Variants in CALN1 observed in about 807,000 individuals in gnomAD.
The protein encoded by CALN1 is calcium-binding protein 8.
Under a neutral mutation model 30.6 loss-of-function variants are expected in CALN1, and 17 were observed. The observed-to-expected ratio is 0.56, with a 90% CI of 0.38 to 0.83. The LOEUF (loss-of-function observed/expected upper bound fraction) is 0.83, where lower values mean the gene tolerates loss of function less well. CALN1 is among the 40% of genes least tolerant of loss of function. The probability of loss-of-function intolerance (pLI) is 0.00; values close to 1 mark genes in which losing one functional copy is unlikely to be tolerated. For synonymous variants in CALN1, 156 were observed against 131.4 expected (o/e 1.19, Z -1.28); for missense variants, 291 against 354.9 (o/e 0.82, Z 1.45).
chr7:72,174,119 A>G (rs1273970744), intron 3 of CALN1, among the ~76,000 whole-genome samples: 2 of 152,178 alleles, frequency 1.3e-5, no homozygotes, highest in Non-Finnish European at 2.9e-5. Flanking sequence ...AGAAATACAA[A>G]TAGCCAATAA....
At chr7:72,060,802 T>G (rs1218552259) in intron 4 of CALN1, among the ~76,000 whole-genome samples, 3 of 152,150 alleles carry the variant, frequency 2.0e-5, no homozygotes, top group African/African-American at 7.2e-5. Flanking sequence ...CCAGCTCTAC[T>G]TCCCTTCTGC....
chr7:72,407,343 G>A lies in CALN1; in HGVS notation c.-73-3901C>T, dbSNP rs138535953. ...GCTACATATGCTAGCCACCTGATAC[G>A]GTTTGGATTTGTGTCCCCACCCAAA... is the stretch of plus-strand genomic sequence containing the variant. On this transcript the variant is annotated intron_variant, in intron 1 of 6. Transcript: ENST00000395275. Among the ~76,000 whole-genome samples the A allele has an allele frequency of 5.6e-3, 850 of 152,298 alleles. 19 individuals are homozygous for A. The highest frequency in any genetic ancestry group is 0.044 in the Admixed American group (678 of 15,292).
chr7:72,097,402 C>T (rs1187921392), intron 4 of CALN1, among the ~76,000 whole-genome samples: 1 of 152,158 alleles, frequency 6.6e-6, no homozygotes, highest in Non-Finnish European at 1.5e-5. Flanking sequence ...ATGCAGGAAG[C>T]TCTGAGATCA....
intron 1 of CALN1, among the ~76,000 whole-genome samples, chr7:72,435,095 T>C (rs920083242): frequency 1.3e-5 from 2 of 151,858 alleles, no homozygotes; most frequent in African/African-American, 4.8e-5. Context: ...ATTAGCTGGA[T>C]ATGGTGGCAT....
At chr7:71,802,245 A>G (rs907149113) in intron 6 of CALN1, among the ~76,000 whole-genome samples, 3 of 152,196 alleles carry the variant, frequency 2.0e-5, no homozygotes, top group Non-Finnish European at 4.4e-5. Context: ...AGACCACTGA[A>G]TTCCATAGAT....
At chr7:71,797,685 G>A (rs1461116736) in intron 6 of CALN1, among the ~76,000 whole-genome samples, 1 of 152,076 alleles carries the variant, frequency 6.6e-6, no homozygotes, top group African/African-American at 2.4e-5. Context: ...TTGCTTTGAG[G>A]GTCCTACAAT....
At chr7:72,466,438 A>C in the CALN1 span, among the ~76,000 whole-genome samples, 1 of 152,086 alleles carries the variant, frequency 6.6e-6, no homozygotes, top group Admixed American at 6.6e-5. Flanking sequence ...TTTACAACAT[A>C]GAGTAGAAAA....
At chr7:72,277,008 T>C (rs975362259) in intron 3 of CALN1, among the ~76,000 whole-genome samples, 2 of 152,164 alleles carry the variant, frequency 1.3e-5, no homozygotes, top group African/African-American at 4.8e-5. Context: ...CACCTTGATC[T>C]TAGACTTCCA....
chr7:72,377,676 T>A (rs1189530512), intron 2 of CALN1, among the ~76,000 whole-genome samples: 1 of 152,192 alleles, frequency 6.6e-6, no homozygotes, highest in African/African-American at 2.4e-5. Context: ...ACAACTTTGT[T>A]CAGTTAGCTT....
chr7:72,407,120 G>A (rs1417334989), intron 1 of CALN1, among the ~76,000 whole-genome samples: 1 of 152,138 alleles, frequency 6.6e-6, no homozygotes, highest in African/African-American at 2.4e-5. Context: ...TGCAGAGAAT[G>A]GTGAAGTAAT....
At chr7:72,213,807 C>T (rs923930322) in intron 3 of CALN1, among the ~76,000 whole-genome samples, 1 of 152,176 alleles carries the variant, frequency 6.6e-6, no homozygotes, top group Non-Finnish European at 1.5e-5. Flanking sequence ...GATGCACCCA[C>T]CACGCTCAGG....
At chr7:72,033,597 T>C (rs1439354510) in intron 4 of CALN1, among the ~76,000 whole-genome samples, 2 of 151,946 alleles carry the variant, frequency 1.3e-5, no homozygotes. Flanking sequence ...TCTAATGAAT[T>C]GCAAAGGGAG....
intron 3 of CALN1, among the ~76,000 whole-genome samples, chr7:72,264,652 G>A (rs1796493543): frequency 6.6e-6 from 1 of 152,112 alleles, no homozygotes; most frequent in African/African-American, 2.4e-5. Flanking sequence ...AGGTGTGCAA[G>A]CACCACACCC....
chr7:72,449,963 T>C (rs1321775487), upstream of CALN1, among the ~76,000 whole-genome samples: 2 of 151,314 alleles, frequency 1.3e-5, no homozygotes, highest in African/African-American at 2.4e-5. Context: ...CCCAACGCTT[T>C]GGGTGGCTGA....
intron 5 of CALN1, among the ~76,000 whole-genome samples, chr7:71,902,225 A>AAACC (rs374649403): frequency 0.022 from 3,223 of 144,950 alleles, 45 homozygotes; most frequent in South Asian, 0.034. Flanking sequence ...CTCCGTCTCA[A>AAACC]AACCAACCAA....
intron 3 of CALN1, among the ~76,000 whole-genome samples, chr7:72,186,199 C>G (rs1790173234): frequency 6.6e-6 from 1 of 152,128 alleles, no homozygotes; most frequent in African/African-American, 2.4e-5. Flanking sequence ...TGCTGCCCCA[C>G]CCATCACTTC....
intron 4 of CALN1, 49 bp from the exon 5 acceptor site, chr7:72,023,818 C>A: frequency 7.3e-7 from 1 of 1,362,926 alleles, no homozygotes; most frequent in Non-Finnish European, 1.0e-6. Context: ...TGAACTTGAC[C>A]TACCGTACCT....
At chr7:72,181,219 TATATA>T (rs1257617879) in intron 3 of CALN1, among the ~76,000 whole-genome samples, 1 of 147,770 alleles carries the variant, frequency 6.8e-6, no homozygotes, top group African/African-American at 2.5e-5. Context: ...TATTGGAATA[TATATA>T]ATATATAAAA....
chr7:71,963,899 T>G (rs938318969), intron 5 of CALN1, among the ~76,000 whole-genome samples: 5 of 152,212 alleles, frequency 3.3e-5, no homozygotes, highest in Non-Finnish European at 7.3e-5. Context: ...ATAGTGGAGC[T>G]GGGATTAGGA....
Sources: gnomAD v4.1 joint callset for allele counts (sites outside exome capture counted in the v4.1 genomes callset) on GRCh38, gnomAD v4.1.1 for gene constraint, MANE v1.5 for transcripts, NCBI Gene and HGNC (gene_info 2026-07-23, HGNC 2026-07-21) for gene names.